ATM: variants seen among roughly 807,000 people sequenced by gnomAD.
The protein encoded by ATM is ATM serine/threonine kinase.
ATM carries 308 observed loss-of-function variants against 387.0 expected under a neutral mutation model. That is an observed-to-expected ratio of 0.80 (90% CI 0.73 to 0.87). The LOEUF (loss-of-function observed/expected upper bound fraction) is 0.87. ATM is among the 40% of genes least tolerant of loss of function. The pLI, the probability that ATM is intolerant of heterozygous loss-of-function variation, is 0.00. For missense variants in ATM, 3,312 were observed against 3,560.9 expected (o/e 0.93, Z 1.78); for synonymous variants, 1,156 against 1,187.3 (o/e 0.97, Z 0.54).
chr11:108,333,329 T>C (rs2086483628), intron 53 of ATM, among the ~76,000 whole-genome samples: 1 of 152,250 alleles, frequency 6.6e-6, no homozygotes. Context: ...TTAATTATTA[T>C]TCTTGCTGTG....
intron 16 of ATM, among the ~76,000 whole-genome samples, chr11:108,264,383 CATG>C (rs898390839): frequency 6.6e-6 from 1 of 152,170 alleles, no homozygotes; most frequent in Non-Finnish European, 1.5e-5. Flanking sequence ...ACAAAAAACA[CATG>C]ATTATCTCAA....
chr11:108,327,476 A>G (rs4988110), intron 47 of ATM, 169 bp from the exon 48 acceptor site: 1 of 589,558 alleles, frequency 1.7e-6, no homozygotes, highest in Non-Finnish European at 3.0e-6. Context: ...CATTTCCTAC[A>G]TGGGATTATT....
intron 47 of ATM, among the ~76,000 whole-genome samples, chr11:108,326,647 A>C: frequency 6.6e-6 from 1 of 152,268 alleles, no homozygotes; most frequent in South Asian, 2.1e-4. Context: ...TATCACATCT[A>C]ATATTTTATC....
intron 54 of ATM, among the ~76,000 whole-genome samples, chr11:108,334,495 A>T (rs1332886916): frequency 6.6e-6 from 1 of 152,210 alleles, no homozygotes; most frequent in Admixed American, 6.5e-5. Context: ...TATATGTAAT[A>T]AGGGTTATAA....
At chr11:108,323,682 A>G (rs1450328799) in intron 45 of ATM, among the ~76,000 whole-genome samples, 1 of 152,200 alleles carries the variant, frequency 6.6e-6, no homozygotes, top group Non-Finnish European at 1.5e-5. Flanking sequence ...TACAACTATT[A>G]TGTATCCATA....
intron 16 of ATM, among the ~76,000 whole-genome samples, chr11:108,261,477 A>T (rs1205558633): frequency 6.6e-6 from 1 of 152,204 alleles, no homozygotes; most frequent in East Asian, 1.9e-4. Context: ...CCAAAAACCC[A>T]TCTGTACATC....
chr11:108,344,191 A>G (rs1253734905), intron 57 of ATM, among the ~76,000 whole-genome samples: 2 of 152,158 alleles, frequency 1.3e-5, no homozygotes, highest in African/African-American at 2.4e-5. Flanking sequence ...AAGTCTGTAC[A>G]GGGCACACAG....
At position 108,353,684 on chromosome 11, in the gene ATM, C is replaced by A. The variant is rs1213810506; in HGVS notation, c.8672-82C>A. The stretch of plus-strand genomic sequence containing the variant: ...AACGTAGGTAACATGTGGTTTCTTG[C>A]CTTTGTAAAGTTCACATTCTAACTG... On this transcript the variant is annotated intron_variant, in intron 59 of 62. Coordinates refer to ENST00000675843, the MANE Select transcript of ATM (RefSeq NM_000051.4). 12 of 1,148,502 alleles carry A rather than the reference C, an allele frequency of 1.0e-5. No homozygotes were observed. The Admixed American group carries it at 2.0e-4, about 19-fold the overall frequency. The allele number at this position is 1,148,502 out of a possible 1,614,324, so 71.1% of individuals were successfully genotyped here. A position where few individuals can be genotyped will look rare whatever the true frequency, so the allele number is the denominator to read the frequency against.
At chr11:108,347,050 A>AT (rs771962507) in intron 58 of ATM, among the ~76,000 whole-genome samples, 2 of 152,090 alleles carry the variant, frequency 1.3e-5, no homozygotes, top group Non-Finnish European at 2.9e-5. Flanking sequence ...TAAAGAGAAA[A>AT]TTTTTTTAGC....
At chr11:108,359,358 C>T (rs1291799456) in intron 61 of ATM, among the ~76,000 whole-genome samples, 3 of 152,058 alleles carry the variant, frequency 2.0e-5, no homozygotes, top group Non-Finnish European at 2.9e-5. Context: ...GAGACTTTAA[C>T]ACCCCACTGT....
At chr11:108,323,527 A>G (rs779148078) in intron 45 of ATM, among the ~76,000 whole-genome samples, 10 of 152,184 alleles carry the variant, frequency 6.6e-5, no homozygotes, top group Non-Finnish European at 1.3e-4. Context: ...TTTACTGTAT[A>G]TTTTTAAATA....
At chr11:108,278,999 A>G (rs1375248038) in intron 22 of ATM, among the ~76,000 whole-genome samples, 1 of 152,248 alleles carries the variant, frequency 6.6e-6, no homozygotes, top group Non-Finnish European at 1.5e-5. Flanking sequence ...AAAGTTGATT[A>G]AAGAGTTATC....
rs762269034 is a variant in ATM, at chr11:108,279,530, G to C, written c.3324G>C (p.Leu1108=). 4.3e-6 allele frequency: 7 copies of C among 1,613,624 alleles called. No homozygotes were observed. Among genetic ancestry groups the C allele is most frequent in the Non-Finnish European group, 5.9e-6 (7 of 1,179,734 alleles). Residue 1108 remains leucine, a synonymous_variant, in exon 23 of 63, where the codon CTG becomes CTC. Transcript: ENST00000675843. ...CGAAGGGAGATTCTTCCAGGTTACT[G>C]AAAGCACTTCCTTTGAAGCTTCAGC... The part of the protein sequence containing the change: ...QDTKGDSSRL[L]KALPLKLQQT...
chr11:108,262,004 T>A (rs916635766), intron 16 of ATM, among the ~76,000 whole-genome samples: 2 of 152,212 alleles, frequency 1.3e-5, no homozygotes, highest in African/African-American at 4.8e-5. Context: ...AATCTACGTC[T>A]GATTGGTGCA....
At chr11:108,306,763 G>A (rs2083718581) in intron 37 of ATM, among the ~76,000 whole-genome samples, 1 of 152,166 alleles carries the variant, frequency 6.6e-6, no homozygotes, top group Admixed American at 6.5e-5. Context: ...CGTCCCATGT[G>A]CATCTCAAAC....
chr11:108,257,745 A>T, intron 15 of ATM, 139 bp downstream of exon 15: 5 of 882,396 alleles, frequency 5.7e-6, no homozygotes, highest in Non-Finnish European at 9.0e-6. Flanking sequence ...TCAGCCTCCC[A>T]AGTAATTGGG....
At chr11:108,345,171 A>G (rs2088165112) in intron 57 of ATM, among the ~76,000 whole-genome samples, 1 of 152,208 alleles carries the variant, frequency 6.6e-6, no homozygotes, top group African/African-American at 2.4e-5. Flanking sequence ...CCAAGTGAAG[A>G]TGCTGAATGG....
rs2135509665 is a variant in ATM at position 108,267,342 on chromosome 11, G to C, written c.2638G>C (p.Gly880Arg). 6.2e-7 allele frequency: 1 copy of C among 1,613,474 alleles called. No homozygotes were observed. The highest frequency in any genetic ancestry group is 8.5e-7 in the Non-Finnish European group (1 of 1,179,554). Reference sequence around the variant, plus strand: ...ACCTGGAGAGAGCCAAAGTACCATAGGTAAATACATATTTACTACTTGGGA... The same window carrying C: ...ACCTGGAGAGAGCCAAAGTACCATACGTAAATACATATTTACTACTTGGGA... ...NEPGESQSTI[G>R]AINPLAEEYL... Residue 880 changes from glycine to arginine, a missense_variant and splice_region_variant, in exon 17 of 63, where the codon GGT (glycine) becomes CGT (arginine). Gly to Arg is a moderately radical substitution (Grantham distance 125). This residue lies in a region of ATM where 1,791 missense variants were observed against 1,804.5 expected (regional missense o/e 0.99). Transcript: ENST00000675843.
chr11:108,339,667 A>G (rs1164733627), intron 56 of ATM, among the ~76,000 whole-genome samples: 6 of 152,168 alleles, frequency 3.9e-5, no homozygotes, highest in Admixed American at 6.5e-5. Context: ...TGAGACTCTA[A>G]GCTGAGGTAG....
Sources: allele counts gnomAD v4.1 joint callset (sites outside exome capture counted in the v4.1 genomes callset), GRCh38; gene constraint gnomAD v4.1.1; regional missense constraint gnomAD v4.1.1; transcripts MANE v1.5; gene names NCBI Gene and HGNC (gene_info 2026-07-23, HGNC 2026-07-21).